GPHN: variants seen among roughly 807,000 people sequenced by gnomAD.
GPHN encodes the protein gephyrin.
In GPHN, 17 loss-of-function variants were observed where a neutral mutation model predicts 95.5. That is an observed-to-expected ratio of 0.18 (90% CI 0.12 to 0.27). GPHN has a LOEUF of 0.27. Among genes scored for constraint, GPHN ranks in the 10% least tolerant of loss-of-function variants. GPHN has a pLI of 1.00. For synonymous variants in GPHN, 320 were observed against 322.5 expected (o/e 0.99, Z 0.08); for missense variants, 660 against 978.1 (o/e 0.67, Z 4.34).
the GPHN span, among the ~76,000 whole-genome samples, chr14:67,714,081 C>T: frequency 2.0e-5 from 3 of 152,052 alleles, no homozygotes; most frequent in Non-Finnish European, 4.4e-5. Flanking sequence ...TTCACAGTAG[C>T]AACTATTAGA....
chr14:67,693,057 A>C, the GPHN span: 8 of 1,597,238 alleles, frequency 5.0e-6, no homozygotes, highest in Non-Finnish European at 6.9e-6. Context: ...ATTTTCCTGC[A>C]GACAGAGAAG....
At chr14:67,071,353 A>G (rs1487607901) in intron 11 of GPHN, among the ~76,000 whole-genome samples, 2 of 152,154 alleles carry the variant, frequency 1.3e-5, no homozygotes, top group Non-Finnish European at 2.9e-5. Context: ...TGAAGCTGGA[A>G]ACCATCATTC....
chr14:67,547,891 G>A, the GPHN span, among the ~76,000 whole-genome samples: 1 of 152,228 alleles, frequency 6.6e-6, no homozygotes, highest in Admixed American at 6.5e-5. Flanking sequence ...AGAGCCGGAT[G>A]AAGGGAGAGG....
At chr14:67,277,506 G>A in the GPHN span, among the ~76,000 whole-genome samples, 1 of 152,018 alleles carries the variant, frequency 6.6e-6, no homozygotes. Flanking sequence ...CTTTTGCTTA[G>A]TTGGCATTGT....
intron 18 of GPHN, among the ~76,000 whole-genome samples, chr14:67,145,989 A>G (rs1163858970): frequency 6.6e-6 from 1 of 152,240 alleles, no homozygotes; most frequent in Admixed American, 6.5e-5. Flanking sequence ...CCAAAGCATC[A>G]GGGAGACACA....
chr14:67,402,749 G>A, the GPHN span, among the ~76,000 whole-genome samples: 1 of 152,186 alleles, frequency 6.6e-6, no homozygotes, highest in Admixed American at 6.5e-5. Flanking sequence ...TGTTGCAAAT[G>A]ACAGGATCTC....
chr14:66,681,573 A>G (rs191356894), intron 2 of GPHN, among the ~76,000 whole-genome samples: 1 of 152,102 alleles, frequency 6.6e-6, no homozygotes, highest in South Asian at 2.1e-4. Flanking sequence ...AGAAATATAA[A>G]GTAGTTATTT....
the GPHN span, among the ~76,000 whole-genome samples, chr14:67,569,516 C>A: frequency 6.6e-6 from 1 of 152,320 alleles, no homozygotes; most frequent in African/African-American, 2.4e-5. Flanking sequence ...GTGCCAGGGC[C>A]GTGGGTGGGA....
chr14:67,496,391 G>GTTTTTGTTTT, the GPHN span, among the ~76,000 whole-genome samples: 2 of 30,108 alleles, frequency 6.6e-5, 1 homozygote, highest in South Asian at 4.3e-3. Flanking sequence ...CTGCTCCGGC[G>GTTTTTGTTTT]TTTTTTTTTT....
At chr14:67,644,348 A>G in the GPHN span, among the ~76,000 whole-genome samples, 1 of 152,210 alleles carries the variant, frequency 6.6e-6, no homozygotes, top group Non-Finnish European at 1.5e-5. Flanking sequence ...AAGGAAACTG[A>G]AATCTAAAGA....
intron 1 of GPHN, among the ~76,000 whole-genome samples, chr14:66,648,617 A>C (rs915262529): frequency 5.9e-5 from 9 of 152,162 alleles, no homozygotes; most frequent in Non-Finnish European, 1.3e-4. Flanking sequence ...CTAGCTGTGT[A>C]GTAGGCTATA....
intron 21 of GPHN, 133 bp downstream of exon 21, chr14:67,169,169 CT>C: frequency 1.4e-6 from 1 of 697,038 alleles, no homozygotes; most frequent in South Asian, 1.6e-5. Context: ...TATTCTCCCC[CT>C]GTGTACTAGA....
At chr14:66,830,985 C>T (rs2061558399) in intron 4 of GPHN, among the ~76,000 whole-genome samples, 1 of 151,878 alleles carries the variant, frequency 6.6e-6, no homozygotes, top group African/African-American at 2.4e-5. Flanking sequence ...AGTCATTAGT[C>T]ATTTTTCTTT....
the GPHN span, chr14:67,359,628 G>T: frequency 1.2e-6 from 2 of 1,613,618 alleles, no homozygotes; most frequent in African/African-American, 2.7e-5. Flanking sequence ...CTAAACCTGT[G>T]AAAGCGGCTT....
the GPHN span, among the ~76,000 whole-genome samples, chr14:67,431,130 C>T: frequency 6.6e-6 from 1 of 152,184 alleles, no homozygotes; most frequent in Non-Finnish European, 1.5e-5. Flanking sequence ...CGTGGTGGCT[C>T]ACGCCTGTAA....
At chr14:66,790,466 T>A (rs908405423) in intron 3 of GPHN, among the ~76,000 whole-genome samples, 2 of 152,238 alleles carry the variant, frequency 1.3e-5, no homozygotes, top group African/African-American at 4.8e-5. Context: ...CAGTAAATTT[T>A]GAGTTTGAAA....
At chr14:66,671,919 A>G (rs1484238201) in intron 1 of GPHN, among the ~76,000 whole-genome samples, 1 of 151,952 alleles carries the variant, frequency 6.6e-6, no homozygotes, top group African/African-American at 2.4e-5. Flanking sequence ...TTTTCTCTTT[A>G]GATTTCCCAT....
chr14:66,750,202 T>C (rs535297758), intron 2 of GPHN, among the ~76,000 whole-genome samples: 3 of 152,092 alleles, frequency 2.0e-5, no homozygotes, highest in African/African-American at 7.2e-5. Context: ...CTAGGAGTTT[T>C]ATATTTTTAT....
the GPHN span, among the ~76,000 whole-genome samples, chr14:67,487,498 T>C: frequency 6.6e-6 from 1 of 152,162 alleles, no homozygotes; most frequent in Non-Finnish European, 1.5e-5. Context: ...CAGCTTCAAA[T>C]TACATTCTCA....
Sources: gnomAD v4.1 joint callset for allele counts (sites outside exome capture counted in the v4.1 genomes callset) on GRCh38, gnomAD v4.1.1 for gene constraint, MANE v1.5 for transcripts, NCBI Gene and HGNC (gene_info 2026-07-23, HGNC 2026-07-21) for gene names.